METTL15: variants seen among roughly 807,000 people sequenced by gnomAD.
METTL15 encodes the protein methyltransferase 15, mitochondrial 12S rRNA N4-cytidine.
Under a neutral mutation model 38.3 loss-of-function variants are expected in METTL15, and 34 were observed. That is an observed-to-expected ratio of 0.89 (90% CI 0.68 to 1.18). The LOEUF (loss-of-function observed/expected upper bound fraction) is 1.18. Ranked by LOEUF, METTL15 falls within the 50% of genes most tolerant of loss-of-function variation. METTL15 has a pLI of 0.00. For synonymous variants in METTL15, 162 were observed against 170.9 expected (o/e 0.95, Z 0.41); for missense variants, 438 against 498.4 (o/e 0.88, Z 1.15).
chr11:28,311,957 T>G (rs921372121), intron 6 of METTL15, among the ~76,000 whole-genome samples: 66 of 152,194 alleles, frequency 4.3e-4, no homozygotes, highest in Non-Finnish European at 1.0e-4. Context: ...TCAGTGGCAG[T>G]CAAGGGACTG....
intron 3 of METTL15, among the ~76,000 whole-genome samples, chr11:28,186,171 A>G (rs1004646621): frequency 4.0e-5 from 6 of 151,246 alleles, no homozygotes; most frequent in African/African-American, 1.4e-4. Context: ...AATAAATGCC[A>G]TGGTCAAGTA....
At chr11:28,204,724 A>G (rs536032976) in intron 3 of METTL15, among the ~76,000 whole-genome samples, 2 of 151,962 alleles carry the variant, frequency 1.3e-5, no homozygotes, top group African/African-American at 4.8e-5. Context: ...CATCTCCTTC[A>G]TGATTGTAAT....
intron 6 of METTL15, among the ~76,000 whole-genome samples, chr11:28,496,418 G>C (rs1851536100): frequency 6.6e-6 from 1 of 152,202 alleles, no homozygotes; most frequent in South Asian, 2.1e-4. Context: ...GGTGAGATTT[G>C]GGTGTGGACA....
At chr11:28,198,425 CAAGT>C (rs1461399266) in intron 3 of METTL15, among the ~76,000 whole-genome samples, 1 of 151,778 alleles carries the variant, frequency 6.6e-6, no homozygotes, top group Non-Finnish European at 1.5e-5. Flanking sequence ...ACTTTTATGA[CAAGT>C]AAAGATTTAT....
intron 6 of METTL15, among the ~76,000 whole-genome samples, chr11:28,515,940 C>T (rs1464233316): frequency 3.3e-5 from 5 of 152,204 alleles, no homozygotes; most frequent in Non-Finnish European, 5.9e-5. Context: ...AAAGGGTGAA[C>T]ATACATCTTG....
intron 6 of METTL15, among the ~76,000 whole-genome samples, chr11:28,469,400 A>G (rs1291286208): frequency 6.6e-6 from 1 of 152,198 alleles, no homozygotes; most frequent in African/African-American, 2.4e-5. Flanking sequence ...CACACATAGT[A>G]GTCTTTTTTT....
intron 6 of METTL15, among the ~76,000 whole-genome samples, chr11:28,481,654 T>C (rs1006166507): frequency 6.6e-6 from 1 of 152,102 alleles, no homozygotes; most frequent in African/African-American, 2.4e-5. Context: ...CATCCCATCC[T>C]GGCCCAGAGG....
chr11:28,503,854 T>A (rs1217534357), intron 6 of METTL15, among the ~76,000 whole-genome samples: 2 of 151,558 alleles, frequency 1.3e-5, no homozygotes, highest in Non-Finnish European at 2.9e-5. Context: ...TTCATAAATA[T>A]CCTGTTATAC....
chr11:28,254,820 C>G (rs1438770668), intron 4 of METTL15, among the ~76,000 whole-genome samples: 1 of 151,962 alleles, frequency 6.6e-6, no homozygotes, highest in South Asian at 2.1e-4. Flanking sequence ...TCTCTATTCT[C>G]TTCCATTGGC....
intron 6 of METTL15, among the ~76,000 whole-genome samples, chr11:28,305,574 G>A (rs1857055505): frequency 6.6e-6 from 1 of 152,058 alleles, no homozygotes; most frequent in South Asian, 2.1e-4. Flanking sequence ...TACACTCTGT[G>A]CTCCTGATTA....
intron 6 of METTL15, chr11:28,424,412 GAGGATA>G (rs1263692550): frequency 6.6e-6 from 1 of 152,088 alleles, no homozygotes; most frequent in Non-Finnish European, 1.5e-5. Context: ...TTTCTGCATG[GAGGATA>G]ACCTGAGGTA....
chr11:28,228,430 A>G lies in METTL15; in HGVS notation c.407+17232A>G, dbSNP rs74324826. Among the ~76,000 whole-genome samples the G allele has an allele frequency of 8.7e-4, 132 of 152,096 alleles. 1 individual carries two copies. The East Asian group carries it at 0.023, about 26-fold the overall frequency. ...TTACATACTTCCTAGAAATGATAGGATTAGGCTTAGAACACTGTCTAGCAT... is the reference window on the plus strand; with the variant it reads ...TTACATACTTCCTAGAAATGATAGGGTTAGGCTTAGAACACTGTCTAGCAT... On this transcript the variant is annotated intron_variant, in intron 4 of 6. Transcript: ENST00000407364.
In METTL15 at chr11:28,330,878, A is replaced by C; in HGVS notation, c.*37A>C. The C allele has an allele frequency of 5.5e-6, 8 of 1,455,890 alleles. No homozygotes were observed. Among genetic ancestry groups the C allele is most frequent in the Non-Finnish European group, 7.4e-6 (8 of 1,087,286 alleles). The allele number at this position is 1,455,890 out of a possible 1,614,324, so 90.2% of individuals were successfully genotyped here. ...CTTATTCTTCAAATTTTTTTCTCAC[A>C]ATTTCTCTAATCTTTACTCATGTTA... On this transcript the variant is annotated 3_prime_UTR_variant, in exon 7 of 7. Coordinates refer to ENST00000407364, the MANE Select transcript of METTL15 (RefSeq NM_001113528.2).
At chr11:28,436,359 A>C (rs1850981982) in intron 6 of METTL15, among the ~76,000 whole-genome samples, 1 of 152,118 alleles carries the variant, frequency 6.6e-6, no homozygotes, top group Non-Finnish European at 1.5e-5. Flanking sequence ...ACCACTCCAA[A>C]ACTTAGTGGC....
intron 4 of METTL15, among the ~76,000 whole-genome samples, chr11:28,217,289 G>T (rs905304900): frequency 3.3e-5 from 5 of 152,110 alleles, no homozygotes; most frequent in Non-Finnish European, 2.9e-5. Flanking sequence ...TTGTGGTTTT[G>T]ATTTGCATTT....
chr11:28,517,017 T>C (rs953955786), intron 6 of METTL15: 1 of 152,238 alleles, frequency 6.6e-6, no homozygotes, highest in Non-Finnish European at 1.5e-5. Flanking sequence ...AGACCTCAGA[T>C]TGTATCCTTT....
chr11:28,303,043 A>G (rs1334450506), intron 6 of METTL15, among the ~76,000 whole-genome samples: 3 of 152,174 alleles, frequency 2.0e-5, no homozygotes, highest in African/African-American at 7.2e-5. Context: ...AAAATGAGAT[A>G]GATTCTAGAC....
At chr11:28,228,360 C>A (rs1419578510) in intron 4 of METTL15, among the ~76,000 whole-genome samples, 1 of 151,898 alleles carries the variant, frequency 6.6e-6, no homozygotes, top group Admixed American at 6.6e-5. Context: ...TACTTAACCA[C>A]TCTGCTACTC....
intron 3 of METTL15, among the ~76,000 whole-genome samples, chr11:28,157,057 G>A (rs185920387): frequency 6.6e-6 from 1 of 152,176 alleles, no homozygotes; most frequent in East Asian, 1.9e-4. Context: ...TTACTTGCAG[G>A]CCCTGTGATG....
Sources: allele counts gnomAD v4.1 joint callset (sites outside exome capture counted in the v4.1 genomes callset), GRCh38; gene constraint gnomAD v4.1.1; transcripts MANE v1.5; gene names NCBI Gene and HGNC (gene_info 2026-07-23, HGNC 2026-07-21).